GGA1: variants seen among roughly 807,000 people sequenced by gnomAD.
GGA1 encodes the protein ADP-ribosylation factor-binding protein GGA1.
Under a neutral mutation model 76.9 loss-of-function variants are expected in GGA1, and 18 were observed. That is an observed-to-expected ratio of 0.23 (90% CI 0.16 to 0.35). The LOEUF is 0.35. Ranked by LOEUF, GGA1 falls within the 10% of genes least tolerant of loss-of-function variation. The pLI, the probability that GGA1 is intolerant of heterozygous loss-of-function variation, is 1.00. For synonymous variants in GGA1, 342 were observed against 354.7 expected, an observed-to-expected ratio of 0.96 and a Z score of 0.40; for missense variants, 755 against 859.0, an observed-to-expected ratio of 0.88 and a Z score of 1.51.
intron 1 of GGA1, chr22:37,609,351 G>A: frequency 9.1e-7 from 1 of 1,098,114 alleles, no homozygotes; most frequent in Non-Finnish European, 1.1e-6. Flanking sequence ...GGCGTTCCTG[G>A]AGCCCGCAAG....
At chr22:37,618,404 C>T in intron 3 of GGA1, 44 bp from the exon 4 acceptor site, 1 of 1,236,034 alleles carries the variant, frequency 8.1e-7, no homozygotes, top group Non-Finnish European at 1.2e-6. Context: ...GCCACGGCCT[C>T]TGATGCACCT....
chr22:37,613,988 T>G, intron 1 of GGA1: 1 of 549,582 alleles, frequency 1.8e-6, no homozygotes, highest in Non-Finnish European at 3.3e-6. Flanking sequence ...GTGGGGCCCT[T>G]TGGAGGGCAG....
intron 2 of GGA1, among the ~76,000 whole-genome samples, chr22:37,616,468 G>A (rs2145907065): frequency 6.6e-6 from 1 of 152,276 alleles, no homozygotes; most frequent in South Asian, 2.1e-4. Context: ...GTTAGATGAT[G>A]TCACCACCTC....
At chr22:37,615,688 CG>C (rs1368309639) in intron 2 of GGA1, among the ~76,000 whole-genome samples, 1 of 151,680 alleles carries the variant, frequency 6.6e-6, no homozygotes, top group Non-Finnish European at 1.5e-5. Context: ...CGCTTGAACC[CG>C]GGAGGCTGAG....
intron 7 of GGA1, among the ~76,000 whole-genome samples, chr22:37,621,912 C>T (rs1010431055): frequency 6.6e-6 from 1 of 151,628 alleles, no homozygotes; most frequent in Non-Finnish European, 1.5e-5. Flanking sequence ...AGGCTGGCTA[C>T]CTCTTCGTCA....
intron 1 of GGA1, among the ~76,000 whole-genome samples, chr22:37,611,238 G>T (rs1927511259): frequency 6.6e-6 from 1 of 152,082 alleles, no homozygotes; most frequent in Admixed American, 6.5e-5. Flanking sequence ...GGACTAGAGG[G>T]TCTTGTGGAG....
rs760425350 is a variant in GGA1 at position 37,617,000 on chromosome 22, G to A, written c.204+3G>A. 2 of 1,600,078 alleles carry A rather than the reference G, an allele frequency of 1.2e-6. No individual in the cohort carries two copies. The highest frequency in any genetic ancestry group is 1.1e-5 in the South Asian group (1 of 88,660). ...GGGAGGCGATCCAGGCCTTGACGGT[G>A]AGAAGGGGAGAGGCCACCATCCGTC... On this transcript the variant is annotated splice_donor_region_variant and intron_variant, in intron 3 of 16. Coordinates refer to ENST00000343632, the MANE Select transcript of GGA1 (RefSeq NM_013365.5).
Position 37,632,203 on chromosome 22 carries a change from T to C in GGA1, c.1698+38T>C, listed in dbSNP as rs867988544. ...TCGGACAGGGCATGCCTCCCTCCTC[T>C]CAAGGCAGGGTGACATGGAGCTGGG... is the stretch of plus-strand genomic sequence containing the variant. On this transcript the variant is annotated intron_variant, in intron 15 of 16. Coordinates refer to ENST00000343632, the MANE Select transcript of GGA1 (RefSeq NM_013365.5). The surrounding 1 kb of genome is among the most constrained non-coding windows in gnomAD (Gnocchi z 5.1). 6 of 1,583,388 alleles carry C rather than the reference T, an allele frequency of 3.8e-6. No homozygotes were observed. In the African/African-American group the frequency reaches 4.0e-5, roughly 11 times the overall value.
At chr22:37,620,684 A>G in intron 5 of GGA1, 129 bp from the exon 6 acceptor site, 1 of 708,960 alleles carries the variant, frequency 1.4e-6, no homozygotes, top group Non-Finnish European at 2.6e-6. Context: ...CTAAGAGTCC[A>G]GAGCCAGCGT....
intron 1 of GGA1, chr22:37,612,868 A>G: frequency 3.1e-6 from 3 of 964,694 alleles, no homozygotes; most frequent in Non-Finnish European, 2.5e-6. Flanking sequence ...TTTAACCAGT[A>G]TTGGGGGTTA....
chr22:37,631,548 T>C (rs922138083), intron 14 of GGA1, among the ~76,000 whole-genome samples: 1 of 152,168 alleles, frequency 6.6e-6, no homozygotes, highest in Non-Finnish European at 1.5e-5. Context: ...TTGCCCTCTA[T>C]GAGCTCCCTG....
intron 6 of GGA1, 132 bp from the exon 7 acceptor site, chr22:37,621,484 A>G (rs1032771780): frequency 7.9e-6 from 5 of 632,490 alleles, no homozygotes; most frequent in Non-Finnish European, 1.4e-5. Context: ...GTAAATTCTC[A>G]CCATTTCACA....
chr22:37,629,531 G>C lies in GGA1; in HGVS notation c.1158+5G>C. ...ACCGGATGGAACAGCTTCCAGGTAG[G>C]AGGGGACCACAAACTAGTCTGGCCT... is the stretch of plus-strand genomic sequence containing the variant. On this transcript the variant is annotated splice_donor_5th_base_variant and intron_variant, in intron 12 of 16. Transcript: ENST00000343632. 1 of 1,563,874 alleles carries C rather than the reference G, an allele frequency of 6.4e-7. No homozygotes were observed.
At chr22:37,620,942 A>ACT (rs1929769019) in intron 6 of GGA1, 29 bp downstream of exon 6, 7 of 1,380,506 alleles carry the variant, frequency 5.1e-6, no homozygotes, top group Non-Finnish European at 7.2e-6. Flanking sequence ...ACATATGGGG[A>ACT]CTCTGAGCCC....
At chr22:37,613,108 A>T (rs1928046814) in intron 1 of GGA1, 1 of 985,186 alleles carries the variant, frequency 1.0e-6, no homozygotes, top group Non-Finnish European at 1.2e-6. Context: ...CAGCACTGCT[A>T]CCCTGGGCAG....
At chr22:37,630,705 C>T (rs910955391) in intron 13 of GGA1, 198 bp from the exon 14 acceptor site, 13 of 565,840 alleles carry the variant, frequency 2.3e-5, no homozygotes, top group African/African-American at 3.8e-5. Flanking sequence ...TAGCTGGGAC[C>T]ACAGGTGTGC....
At chr22:37,611,683 A>G (rs1461635541) in intron 1 of GGA1, among the ~76,000 whole-genome samples, 1 of 152,072 alleles carries the variant, frequency 6.6e-6, no homozygotes, top group African/African-American at 2.4e-5. Context: ...CTGTCCACAG[A>G]TCCTTCTCTG....
chr22:37,619,734 C>T, intron 4 of GGA1: 1 of 769,160 alleles, frequency 1.3e-6, no homozygotes, highest in African/African-American at 1.7e-5. Context: ...CCCTTCCTTG[C>T]TCAGACCCAT....
In GGA1 at chr22:37,621,703, G is replaced by A. The variant is rs1929925862; in HGVS notation, c.609+7G>A. ...CAAAGAGATGGTGCAGGAGGTAGCG[G>A]CCGAGCCCAGAGCACAGGGAGGAGG... On this transcript the variant is annotated splice_region_variant and intron_variant, in intron 7 of 16. Coordinates refer to ENST00000343632, the MANE Select transcript of GGA1 (RefSeq NM_013365.5). 1.9e-6 allele frequency: 3 copies of A among 1,548,688 alleles called. No individual in the cohort carries two copies. The highest frequency in any genetic ancestry group is 2.6e-6 in the Non-Finnish European group (3 of 1,143,326).
Sources: gnomAD v4.1 joint callset for allele counts (sites outside exome capture counted in the v4.1 genomes callset) on GRCh38, gnomAD v4.1.1 for gene constraint, Gnocchi (gnomAD v3.1) non-coding constraint, MANE v1.5 for transcripts, NCBI Gene and HGNC (gene_info 2026-07-23, HGNC 2026-07-21) for gene names.